GARS1: variants seen among roughly 807,000 people sequenced by gnomAD.
The protein encoded by GARS1 is glycine--tRNA ligase.
Under a neutral mutation model 86.4 loss-of-function variants are expected in GARS1, and 46 were observed. That is an observed-to-expected ratio of 0.53 (90% CI 0.42 to 0.68). The LOEUF (loss-of-function observed/expected upper bound fraction) is 0.68, where lower values mean the gene tolerates loss of function less well. Among genes scored for constraint, GARS1 ranks in the 30% least tolerant of loss-of-function variants. GARS1 has a pLI of 0.00. For synonymous variants in GARS1, 342 were observed against 329.8 expected (o/e 1.04, Z -0.40); for missense variants, 797 against 915.6 (o/e 0.87, Z 1.67).
Position 30,595,144 on chromosome 7 carries a change from G to A in GARS1, c.222+1G>A. 6.5e-7 allele frequency: 1 copy of A among 1,537,120 alleles called. No individual in the cohort carries two copies. The highest frequency in any genetic ancestry group is 8.7e-7 in the Non-Finnish European group (1 of 1,146,836). Reference sequence around the variant, plus strand: ...TCTGAGGCTAGCAGTGCGCCAGCAGGTACCGGTGTTTTGCGCTCTCCGCTA... The same window carrying A: ...TCTGAGGCTAGCAGTGCGCCAGCAGATACCGGTGTTTTGCGCTCTCCGCTA... On this transcript the variant is annotated splice_donor_variant, in intron 1 of 16. Coordinates refer to ENST00000389266, the MANE Select transcript of GARS1 (RefSeq NM_002047.4). LOFTEE classifies it high-confidence loss of function.
chr7:30,622,744 G>C, intron 12 of GARS1: 1 of 414,376 alleles, frequency 2.4e-6, no homozygotes. Context: ...TATCTCTCAG[G>C]TCACTTCTCT....
rs1262867161 is a variant in GARS1, at chr7:30,595,097, G to A, written c.176G>A (p.Gly59Glu). Residue 59 changes from glycine to glutamate, a missense_variant, in exon 1 of 17, where the codon GGG (glycine) becomes GAG (glutamate). Transcript: ENST00000389266. ...AASRSSMDGA[G>E]AEEVLAPLRL... Reference sequence around the variant, plus strand: ...TCCCGGAGCAGCATGGACGGCGCGGGGGCTGAGGAGGTGCTGGCACCTCTG... The same window carrying A: ...TCCCGGAGCAGCATGGACGGCGCGGAGGCTGAGGAGGTGCTGGCACCTCTG... The A allele has an allele frequency of 2.6e-6, 4 of 1,542,314 alleles. No homozygotes were observed. The South Asian group carries it at 3.5e-5, about 14-fold the overall frequency.
chr7:30,598,816 C>T lies in GARS1; in HGVS notation c.243C>T (p.Leu81=), dbSNP rs1248469499. 5.6e-6 allele frequency: 9 copies of T among 1,613,980 alleles called. No individual in the cohort carries two copies. The highest frequency in any genetic ancestry group is 7.6e-6 in the Non-Finnish European group (9 of 1,179,894). Residue 81 remains leucine (L), a synonymous_variant, in exon 2 of 17, where the codon CTC becomes CTT. Transcript: ENST00000389266. ...VRQQGDLVRK[L]KEDKAPQVDV... Reference sequence around the variant, plus strand: ...GCTAGGGAGATCTTGTGCGAAAACTCAAAGAAGATAAAGCACCCCAAGTAG... The same window carrying T: ...GCTAGGGAGATCTTGTGCGAAAACTTAAAGAAGATAAAGCACCCCAAGTAG...
chr7:30,631,994 C>A (rs1783243483), intron 15 of GARS1: 2 of 492,056 alleles, frequency 4.1e-6, no homozygotes, highest in Admixed American at 3.2e-5. Flanking sequence ...TCAGGACTCA[C>A]CTTCTGGCCT....
chr7:30,630,709 C>T (rs1783219653), intron 14 of GARS1, among the ~76,000 whole-genome samples: 1 of 151,860 alleles, frequency 6.6e-6, no homozygotes, highest in Admixed American at 6.6e-5. Flanking sequence ...GGGGTCTTGC[C>T]ATGTTGCCCT....
At position 30,621,538 on chromosome 7, in the gene GARS1, A is replaced by G. The variant is rs778620481; in HGVS notation, c.1467+38A>G. 2.8e-5 allele frequency: 39 copies of G among 1,410,814 alleles called. No individual in the cohort carries two copies. In the Middle Eastern group the frequency reaches 5.3e-4, roughly 19 times the overall value. The allele number at this position is 1,410,814 out of a possible 1,614,324, so 87.4% of individuals were successfully genotyped here. ...GTCACTCCAAAAACTCAGGATTCAC[A>G]TGTGAACATCTTGCTAATGAATAAG... On this transcript the variant is annotated intron_variant, in intron 11 of 16. Transcript: ENST00000389266.
intron 1 of GARS1, 69 bp downstream of exon 1, chr7:30,595,212 C>G: frequency 3.0e-6 from 4 of 1,338,862 alleles, no homozygotes; most frequent in Non-Finnish European, 4.1e-6. Flanking sequence ...GGTCATCCTT[C>G]CCTCCTCCCC....
rs1208529787 is a variant in GARS1, at chr7:30,622,243, T to C, written c.1468-74T>C. 3.8e-6 allele frequency: 6 copies of C among 1,568,308 alleles called. No homozygotes were observed. The African/African-American group carries it at 6.8e-5, about 18-fold the overall frequency. ...AGCTGGCATGGTTTTAAGTTGATGA[T>C]TGATTGTTCTCAGGCTCATTTTCTG... On this transcript the variant is annotated intron_variant, in intron 11 of 16. Transcript: ENST00000389266.
chr7:30,595,450 T>C (rs547630023), intron 1 of GARS1, among the ~76,000 whole-genome samples: 41 of 152,270 alleles, frequency 2.7e-4, no homozygotes, highest in African/African-American at 9.1e-4. Context: ...GCGTCTCCTC[T>C]ATTTCCAGTG....
intron 14 of GARS1, chr7:30,631,006 A>C (rs1414866873): frequency 1.1e-4 from 20 of 176,874 alleles, no homozygotes; most frequent in Non-Finnish European, 3.7e-5. Flanking sequence ...CTCTTAAAAG[A>C]CAGAATGGGC....
chr7:30,612,342 T>G, intron 8 of GARS1, 97 bp downstream of exon 8: 12 of 1,092,690 alleles, frequency 1.1e-5, no homozygotes, highest in Non-Finnish European at 1.5e-5. Flanking sequence ...TTCATAATCC[T>G]GATTATGAAT....
In GARS1 at chr7:30,632,014, G is replaced by T. The variant is rs1783243791; in HGVS notation, c.1904-233G>T. On this transcript the variant is annotated intron_variant, in intron 15 of 16. Transcript: ENST00000389266. The surrounding 1 kb of genome is among the most constrained non-coding windows in gnomAD (Gnocchi z 4.1). ...ACTCACCTTCTGGCCTTGGCTCTTG[G>T]TCCCATATTTGTTCCCCCTATAGCT... The T allele has an allele frequency of 1.9e-6, 1 of 526,310 alleles. No homozygotes were observed. The highest frequency in any genetic ancestry group is 1.9e-5 in the African/African-American group (1 of 52,294). 32.6% of individuals were successfully genotyped at this position (526,310 alleles called of 1,614,324 possible).
chr7:30,617,747 T>C (rs972056647), intron 10 of GARS1, among the ~76,000 whole-genome samples: 2 of 152,328 alleles, frequency 1.3e-5, no homozygotes, highest in East Asian at 3.9e-4. Context: ...TCAAATGTTA[T>C]GTATTTAACT....
Position 30,632,299 on chromosome 7 carries a change from G to A in GARS1, c.1956G>A (p.Gly652=). The A allele has an allele frequency of 6.2e-7, 1 of 1,614,178 alleles. No individual in the cohort carries two copies. The highest frequency in any genetic ancestry group is 1.7e-5 in the Admixed American group (1 of 60,028). The change falls in exon 16 of 17, where the codon GGG becomes GGA. Residue 652 remains glycine (G), a synonymous_variant. Coordinates refer to ENST00000389266, the MANE Select transcript of GARS1 (RefSeq NM_002047.4). The surrounding 1 kb of genome is among the most constrained non-coding windows in gnomAD (Gnocchi z 4.1). The stretch of plus-strand genomic sequence containing the variant: ...CTCACAAAGTAGACGATTCCTCTGG[G>A]TCAATCGGAAGGCGCTATGCCAGGA... ...GVSHKVDDSS[G]SIGRRYARTD...
intron 10 of GARS1, among the ~76,000 whole-genome samples, chr7:30,617,709 C>G (rs1277722283): frequency 1.3e-5 from 2 of 152,162 alleles, no homozygotes; most frequent in South Asian, 2.1e-4. Context: ...CTAGTTGATT[C>G]TGATCTCTGG....
Position 30,632,718 on chromosome 7 carries a change from T to C in GARS1, c.2094+281T>C, listed in dbSNP as rs948652527. ...TTGTTTGTTTATTGGGCAAGAGAAA[T>C]ATGATCCTAAGAATTTGTTGCCATA... is the stretch of plus-strand genomic sequence containing the variant. On this transcript the variant is annotated intron_variant, in intron 16 of 16. Coordinates refer to ENST00000389266, the MANE Select transcript of GARS1 (RefSeq NM_002047.4). The surrounding 1 kb of genome is among the most constrained non-coding windows in gnomAD (Gnocchi z 4.1). Among the ~76,000 whole-genome samples the C allele has an allele frequency of 3.3e-5, 5 of 152,044 alleles. No individual in the cohort carries two copies. The highest frequency in any genetic ancestry group is 1.3e-4 in the Admixed American group (2 of 15,280).
chr7:30,619,776 CTTTTTTTTTTTTTT>C (rs61613428), intron 10 of GARS1, among the ~76,000 whole-genome samples: 1 of 124,278 alleles, frequency 8.0e-6, no homozygotes, highest in African/African-American at 3.1e-5. Context: ...TTCTTTTTTT[CTTTTTTTTTTTTTT>C]TTTTTGAGAC....
intron 12 of GARS1, among the ~76,000 whole-genome samples, chr7:30,623,114 C>CAA (rs1205425678): frequency 7.9e-5 from 10 of 126,728 alleles, no homozygotes; most frequent in African/African-American, 8.7e-5. Flanking sequence ...AAAAAAAAAA[C>CAA]AAAAAAAAAA....
chr7:30,618,876 G>A (rs1189128650), intron 10 of GARS1, among the ~76,000 whole-genome samples: 1 of 152,188 alleles, frequency 6.6e-6, no homozygotes, highest in East Asian at 1.9e-4. Flanking sequence ...ATGTCAAAAT[G>A]ATAATAGTAA....
Sources: gnomAD v4.1 joint callset for allele counts (sites outside exome capture counted in the v4.1 genomes callset) on GRCh38, gnomAD v4.1.1 for gene constraint, Gnocchi (gnomAD v3.1) non-coding constraint, MANE v1.5 for transcripts, NCBI Gene and HGNC (gene_info 2026-07-23, HGNC 2026-07-21) for gene names.